ADAMTSL3: variants seen among roughly 807,000 people sequenced by gnomAD.
ADAMTSL3 encodes ADAMTS like 3.
In ADAMTSL3, 128 loss-of-function variants were observed where a neutral mutation model predicts 201.7. The observed-to-expected ratio is 0.63, with a 90% CI of 0.55 to 0.73. The LOEUF (loss-of-function observed/expected upper bound fraction) is 0.73. ADAMTSL3 is among the 30% of genes least tolerant of loss of function. ADAMTSL3 has a pLI of 0.00. For synonymous variants in ADAMTSL3, 738 were observed against 748.4 expected (o/e 0.99, Z 0.23); for missense variants, 1,990 against 2,119.6 (o/e 0.94, Z 1.20).
At chr15:83,674,764 T>TAC (rs1201088636) in intron 2 of ADAMTSL3, among the ~76,000 whole-genome samples, 2 of 121,766 alleles carry the variant, frequency 1.6e-5, no homozygotes, top group Non-Finnish European at 3.3e-5. Context: ...CACACATATA[T>TAC]ACATATATAT....
Position 83,862,526 on chromosome 15 carries a change from A to G in ADAMTSL3, c.802+3686A>G, listed in dbSNP as rs112086855. 7.5e-3 allele frequency: 1,140 copies of G among 152,314 alleles called. 11 individuals carry two copies. The highest frequency in any genetic ancestry group is 0.025 in the African/African-American group (1,059 of 41,552). 9.4% of individuals were successfully genotyped at this position (152,314 alleles called of 1,614,324 possible). On this transcript the variant is annotated intron_variant, in intron 8 of 29. Transcript: ENST00000286744. ...TTCATATCCAGCCAAACTAAGCTTC[A>G]TAAGTGAAGGAGAAATAAAATCCTT...
chr15:83,691,405 A>G (rs969493473), intron 2 of ADAMTSL3, among the ~76,000 whole-genome samples: 2 of 152,184 alleles, frequency 1.3e-5, no homozygotes, highest in African/African-American at 4.8e-5. Context: ...GTCAGGAGCC[A>G]TATGGTCACT....
chr15:84,009,907 C>T (rs539349776), intron 23 of ADAMTSL3, among the ~76,000 whole-genome samples: 18 of 152,298 alleles, frequency 1.2e-4, no homozygotes, highest in African/African-American at 3.1e-4. Context: ...TTGACAGCAC[C>T]GCTTACCAGC....
chr15:83,886,676 T>C (rs970855730), intron 10 of ADAMTSL3, among the ~76,000 whole-genome samples: 2 of 152,208 alleles, frequency 1.3e-5, no homozygotes, highest in African/African-American at 4.8e-5. Flanking sequence ...TCCACATCTT[T>C]TCAATCCTTG....
chr15:83,939,268 T>C (rs543440552), intron 17 of ADAMTSL3, among the ~76,000 whole-genome samples: 2 of 152,302 alleles, frequency 1.3e-5, no homozygotes, highest in African/African-American at 4.8e-5. Context: ...TTTGAGAGTT[T>C]ATATAAGGTT....
Position 83,885,137 on chromosome 15 carries a change from T to C in ADAMTSL3, c.997T>C (p.Phe333Leu). Residue 333 changes from phenylalanine (F) to leucine (L), a missense_variant, in exon 10 of 30, where the codon TTC becomes CTC. Coordinates refer to ENST00000286744, the MANE Select transcript of ADAMTSL3 (RefSeq NM_207517.3). ...TGCAGCCAAAGACAGCGTGGTTCAG[T>C]TCTTCTTTTACCAGCCCATCAGTCA... ...YTAAKDSVVQ[F>L]FFYQPISHQW... 1 of 1,614,176 alleles carries C rather than the reference T, an allele frequency of 6.2e-7. No homozygotes were observed. Among genetic ancestry groups the C allele is most frequent in the Non-Finnish European group, 8.5e-7 (1 of 1,180,016 alleles).
chr15:83,963,449 C>A (rs560001850), intron 19 of ADAMTSL3, among the ~76,000 whole-genome samples: 38 of 152,300 alleles, frequency 2.5e-4, no homozygotes, highest in African/African-American at 8.2e-4. Context: ...AGCCAGACTG[C>A]TTCTCTAGAT....
At chr15:83,662,783 T>C (rs1228899210) in intron 2 of ADAMTSL3, among the ~76,000 whole-genome samples, 1 of 152,070 alleles carries the variant, frequency 6.6e-6, no homozygotes, top group East Asian at 1.9e-4. Flanking sequence ...ACTTCTTCCT[T>C]TTATTTCTTC....
chr15:83,865,704 C>G (rs2064960904), intron 8 of ADAMTSL3, among the ~76,000 whole-genome samples: 1 of 152,120 alleles, frequency 6.6e-6, no homozygotes, highest in African/African-American at 2.4e-5. Flanking sequence ...TAGGCATGGG[C>G]AAAGACTTCA....
intron 8 of ADAMTSL3, among the ~76,000 whole-genome samples, chr15:83,861,306 G>T (rs138238692): frequency 6.6e-6 from 1 of 152,146 alleles, no homozygotes; most frequent in Admixed American, 6.5e-5. Context: ...CTCCCAGCAC[G>T]CAGCTTGAGA....
intron 17 of ADAMTSL3, among the ~76,000 whole-genome samples, chr15:83,936,627 C>A (rs1237526986): frequency 6.6e-6 from 1 of 150,706 alleles, no homozygotes; most frequent in Non-Finnish European, 1.5e-5. Context: ...GACAAAGATG[C>A]CAAAAGCAAT....
intron 3 of ADAMTSL3, among the ~76,000 whole-genome samples, chr15:83,758,409 C>T (rs558065989): frequency 6.6e-6 from 1 of 152,286 alleles, no homozygotes; most frequent in South Asian, 2.1e-4. Flanking sequence ...GAGAACAGCC[C>T]AAGAAAGACC....
At chr15:83,669,640 T>C (rs2141383958) in intron 2 of ADAMTSL3, among the ~76,000 whole-genome samples, 1 of 151,090 alleles carries the variant, frequency 6.6e-6, no homozygotes, top group African/African-American at 2.4e-5. Flanking sequence ...GCTAATTTTT[T>C]TGTATTTTTA....
intron 8 of ADAMTSL3, chr15:83,862,279 A>G (rs1188074509): frequency 6.6e-6 from 1 of 152,198 alleles, no homozygotes; most frequent in African/African-American, 2.4e-5. Context: ...TGCCACAAAG[A>G]TACTCCTCGA....
intron 5 of ADAMTSL3, among the ~76,000 whole-genome samples, chr15:83,810,338 GGA>G (rs553247323): frequency 7.7e-4 from 117 of 152,226 alleles, no homozygotes; most frequent in African/African-American, 2.7e-3. Flanking sequence ...CATGTAGGAG[GGA>G]GAGAGAGAGA....
At chr15:84,019,845 A>G (rs1172173962) in intron 25 of ADAMTSL3, among the ~76,000 whole-genome samples, 1 of 149,464 alleles carries the variant, frequency 6.7e-6, no homozygotes, top group African/African-American at 2.5e-5. Flanking sequence ...CTGAGCTGAG[A>G]TCATGCCACC....
At chr15:83,820,309 C>A (rs1291480370) in intron 6 of ADAMTSL3, among the ~76,000 whole-genome samples, 1 of 152,166 alleles carries the variant, frequency 6.6e-6, no homozygotes, top group Non-Finnish European at 1.5e-5. Context: ...AACTCCTGAT[C>A]TCAGGTGATT....
intron 6 of ADAMTSL3, chr15:83,824,836 A>T (rs978819323): frequency 1.3e-5 from 2 of 151,808 alleles, no homozygotes; most frequent in Non-Finnish European, 2.9e-5. Flanking sequence ...TCCTTTTTTT[A>T]ATTTAAAAAA....
intron 2 of ADAMTSL3, among the ~76,000 whole-genome samples, chr15:83,681,540 G>A (rs948624543): frequency 6.6e-6 from 1 of 152,322 alleles, no homozygotes; most frequent in African/African-American, 2.4e-5. Context: ...ATGGATTCGG[G>A]ATTAATGTTA....
Sources: gnomAD v4.1 joint callset for allele counts (sites outside exome capture counted in the v4.1 genomes callset) on GRCh38, gnomAD v4.1.1 for gene constraint, MANE v1.5 for transcripts, NCBI Gene and HGNC (gene_info 2026-07-23, HGNC 2026-07-21) for gene names.